MRPS9: variants seen among roughly 807,000 people sequenced by gnomAD.
MRPS9 encodes the protein small ribosomal subunit protein uS9m.
MRPS9 carries 45 observed loss-of-function variants against 59.9 expected under a neutral mutation model. The ratio of observed to expected loss-of-function variants is 0.75; its 90% CI spans 0.59 to 0.96. The LOEUF is 0.96. MRPS9 is among the 40% of genes least tolerant of loss of function. The pLI, the probability that MRPS9 is intolerant of heterozygous loss-of-function variation, is 0.00. For missense variants in MRPS9, 473 were observed against 481.1 expected (o/e 0.98, Z 0.16); for synonymous variants, 171 against 166.8 (o/e 1.03, Z -0.19).
intron 7 of MRPS9, 24 bp from the exon 8 acceptor site, chr2:105,092,377 C>A: frequency 6.4e-7 from 1 of 1,561,668 alleles, no homozygotes; most frequent in Admixed American, 2.0e-5. Flanking sequence ...CTTGCACCTT[C>A]TAATGAATTT....
chr2:105,044,048 G>A (rs1298363917), intron 1 of MRPS9, among the ~76,000 whole-genome samples: 1 of 151,658 alleles, frequency 6.6e-6, no homozygotes, highest in Admixed American at 6.6e-5. Context: ...TGAGTCTCCT[G>A]CCTCAGCCTC....
At chr2:105,067,868 A>G (rs1680032875) in intron 2 of MRPS9, among the ~76,000 whole-genome samples, 3 of 152,066 alleles carry the variant, frequency 2.0e-5, no homozygotes, top group African/African-American at 7.2e-5. Context: ...TGCTCCATCA[A>G]CCAGGCTATA....
intron 5 of MRPS9, among the ~76,000 whole-genome samples, chr2:105,082,558 A>T (rs1680368366): frequency 6.6e-6 from 1 of 152,232 alleles, no homozygotes; most frequent in Non-Finnish European, 1.5e-5. Context: ...TGTGTATGAC[A>T]CTTTAGTGAA....
intron 10 of MRPS9, among the ~76,000 whole-genome samples, chr2:105,098,866 C>T (rs935413193): frequency 6.6e-6 from 1 of 152,196 alleles, no homozygotes; most frequent in South Asian, 2.1e-4. Flanking sequence ...TAAGAGCTTT[C>T]CCATCAGTGG....
At chr2:105,052,509 TTA>T (rs778858435) in intron 2 of MRPS9, among the ~76,000 whole-genome samples, 2 of 152,192 alleles carry the variant, frequency 1.3e-5, no homozygotes, top group Non-Finnish European at 2.9e-5. Context: ...TACTCTTTTT[TTA>T]TATGTTTCTG....
intron 2 of MRPS9, among the ~76,000 whole-genome samples, chr2:105,068,932 G>T (rs1408181069): frequency 6.6e-6 from 1 of 152,082 alleles, no homozygotes; most frequent in African/African-American, 2.4e-5. Flanking sequence ...TATTCATAGG[G>T]GTGTATCTTC....
intron 4 of MRPS9, among the ~76,000 whole-genome samples, chr2:105,075,433 G>A (rs1388170066): frequency 4.6e-5 from 7 of 152,198 alleles, no homozygotes; most frequent in African/African-American, 7.2e-5. Flanking sequence ...ATAAAGGAGC[G>A]CCAAAGGTCT....
At chr2:105,089,694 G>T (rs60647990) in intron 6 of MRPS9, among the ~76,000 whole-genome samples, 6,004 of 152,234 alleles carry the variant, frequency 0.039, 424 homozygotes, top group African/African-American at 0.14. Context: ...GAGTTCCATA[G>T]TGGCATATTT....
chr2:105,080,573 G>C (rs1049674409), intron 5 of MRPS9, among the ~76,000 whole-genome samples: 4 of 152,122 alleles, frequency 2.6e-5, no homozygotes, highest in African/African-American at 9.7e-5. Flanking sequence ...ACTGCATTTA[G>C]TATGCTGTGA....
chr2:105,070,622 T>C (rs538801687), intron 2 of MRPS9, among the ~76,000 whole-genome samples: 2 of 152,280 alleles, frequency 1.3e-5, no homozygotes, highest in South Asian at 2.1e-4. Flanking sequence ...TAAGCTATTG[T>C]TCTCAGCTGG....
At chr2:105,040,182 A>G (rs1679477815) in intron 1 of MRPS9, among the ~76,000 whole-genome samples, 1 of 152,094 alleles carries the variant, frequency 6.6e-6, no homozygotes, top group African/African-American at 2.4e-5. Flanking sequence ...ATCGTGGTGC[A>G]GAGCTTATCT....
At chr2:105,066,492 A>T (rs911921495) in intron 2 of MRPS9, among the ~76,000 whole-genome samples, 3 of 152,168 alleles carry the variant, frequency 2.0e-5, no homozygotes, top group Non-Finnish European at 4.4e-5. Flanking sequence ...TAGCTTCCTC[A>T]TGACTTTTCT....
rs1008466227 is a variant in MRPS9 at position 105,071,294 on chromosome 2, C to T, written c.316-19C>T. The T allele has an allele frequency of 5.0e-6, 8 of 1,605,294 alleles. No homozygotes were observed. The Admixed American group carries it at 5.0e-5, about 10-fold the overall frequency. Reference sequence around the variant, plus strand: ...TGTTTATATAACAGTTGTTAACTAACCTTTGTGTATATTTTCAGAGAGCTA... The same window carrying T: ...TGTTTATATAACAGTTGTTAACTAATCTTTGTGTATATTTTCAGAGAGCTA... On this transcript the variant is annotated intron_variant, in intron 2 of 10. Transcript: ENST00000258455.
chr2:105,074,113 T>C (rs1251937824), intron 4 of MRPS9, among the ~76,000 whole-genome samples: 1 of 152,144 alleles, frequency 6.6e-6, no homozygotes, highest in Non-Finnish European at 1.5e-5. Context: ...GTTACAGACA[T>C]GACAATGACA....
At chr2:105,077,217 C>G (rs1680229421) in intron 4 of MRPS9, among the ~76,000 whole-genome samples, 1 of 142,100 alleles carries the variant, frequency 7.0e-6, no homozygotes, top group Admixed American at 7.8e-5. Flanking sequence ...TGCACTCCAG[C>G]CTGGGCAATA....
intron 9 of MRPS9, 104 bp downstream of exon 9, chr2:105,093,742 T>TTA: frequency 1.9e-6 from 1 of 526,648 alleles, no homozygotes; most frequent in Non-Finnish European, 3.4e-6. Flanking sequence ...TTTATCTGAA[T>TTA]GATTATTTCT....
At chr2:105,087,670 A>G (rs923375014) in intron 5 of MRPS9, among the ~76,000 whole-genome samples, 2 of 152,194 alleles carry the variant, frequency 1.3e-5, no homozygotes, top group Non-Finnish European at 2.9e-5. Context: ...GCCAAAAGGA[A>G]TGAACTTTTA....
intron 2 of MRPS9, among the ~76,000 whole-genome samples, chr2:105,062,128 C>T (rs988806176): frequency 1.3e-5 from 2 of 152,028 alleles, no homozygotes; most frequent in Non-Finnish European, 2.9e-5. Context: ...CATATACACA[C>T]TTCTGTTACA....
chr2:105,081,226 A>G (rs1244711200), intron 5 of MRPS9, among the ~76,000 whole-genome samples: 1 of 152,212 alleles, frequency 6.6e-6, no homozygotes, highest in Non-Finnish European at 1.5e-5. Flanking sequence ...CATGGTGCAG[A>G]CGCAAATTTT....
Sources: gnomAD v4.1 joint callset for allele counts (sites outside exome capture counted in the v4.1 genomes callset) on GRCh38, gnomAD v4.1.1 for gene constraint, MANE v1.5 for transcripts, NCBI Gene and HGNC (gene_info 2026-07-23, HGNC 2026-07-21) for gene names.